The following ETFB variants were observed in gnomAD, a reference collection of about 807,000 sequenced individuals.
ETFB encodes the protein beta-ETF.
A neutral mutation model predicts 25.6 loss-of-function variants in ETFB; 20 were observed. That is an observed-to-expected ratio of 0.78 (90% CI 0.55 to 1.14). The LOEUF is 1.14. Ranked by LOEUF, ETFB falls within the 50% of genes most tolerant of loss-of-function variation. The pLI is 0.00. For synonymous variants in ETFB, 142 were observed against 146.7 expected (o/e 0.97, Z 0.23); for missense variants, 286 against 342.6 (o/e 0.83, Z 1.30).
chr19:51,347,983 C>G (rs1196153182), intron 4 of ETFB: 1 of 152,252 alleles, frequency 6.6e-6, no homozygotes, highest in East Asian at 1.9e-4. Context: ...AGAAGCTAGT[C>G]AGACAGTGGT....
intron 1 of ETFB, among the ~76,000 whole-genome samples, chr19:51,358,546 C>T (rs917056638): frequency 1.3e-5 from 2 of 152,144 alleles, no homozygotes; most frequent in African/African-American, 4.8e-5. Flanking sequence ...TGCCTGTAAT[C>T]CCAGCACTTT....
intron 1 of ETFB, among the ~76,000 whole-genome samples, chr19:51,365,928 C>T (rs1167284694): frequency 6.6e-6 from 1 of 152,198 alleles, no homozygotes; most frequent in East Asian, 1.9e-4. Context: ...TCGGCTCTGC[C>T]CTTCTCTAGC....
At chr19:51,348,683 G>GT (rs796445224) in intron 4 of ETFB, among the ~76,000 whole-genome samples, 32 of 102,876 alleles carry the variant, frequency 3.1e-4, no homozygotes, top group Admixed American at 5.7e-4. Context: ...CAACGAAGCT[G>GT]TTTAAAAAAA....
intron 5 of ETFB, 76 bp from the exon 6 acceptor site, chr19:51,345,457 C>A (rs1985749983): frequency 2.0e-6 from 3 of 1,465,156 alleles, no homozygotes; most frequent in Admixed American, 1.8e-5. Context: ...CCCATGGGTG[C>A]CAGGCCTGCA....
intron 1 of ETFB, 48 bp downstream of exon 1, chr19:51,366,222 G>A (rs757249379): frequency 1.0e-5 from 16 of 1,579,284 alleles, no homozygotes; most frequent in Non-Finnish European, 1.4e-5. Context: ...GGCCCCGGAA[G>A]CACACGGCTG....
intron 1 of ETFB, among the ~76,000 whole-genome samples, chr19:51,364,764 G>A (rs1228650065): frequency 6.6e-6 from 1 of 152,242 alleles, no homozygotes; most frequent in East Asian, 1.9e-4. Flanking sequence ...ATTAGGACAG[G>A]GGGCATTGAG....
At chr19:51,357,825 T>C (rs1418398772) in intron 1 of ETFB, among the ~76,000 whole-genome samples, 1 of 151,988 alleles carries the variant, frequency 6.6e-6, no homozygotes, top group Non-Finnish European at 1.5e-5. Flanking sequence ...TCTGGATTCT[T>C]GGTGGAGAAA....
intron 5 of ETFB, chr19:51,345,661 T>A (rs976781138): frequency 2.6e-5 from 13 of 502,060 alleles, no homozygotes; most frequent in Non-Finnish European, 4.7e-5. Context: ...GGCAAACCCA[T>A]CCTTTTGGTA....
At chr19:51,362,164 C>CATACAT (rs368744287) in intron 1 of ETFB, among the ~76,000 whole-genome samples, 2 of 52,146 alleles carry the variant, frequency 3.8e-5, no homozygotes, top group African/African-American at 1.8e-4. Flanking sequence ...GACACACATA[C>CATACAT]ACACACACAC....
intron 3 of ETFB, among the ~76,000 whole-genome samples, chr19:51,352,584 A>C (rs1985956249): frequency 6.6e-6 from 1 of 152,008 alleles, no homozygotes; most frequent in Non-Finnish European, 1.5e-5. Flanking sequence ...TCGGCCTCCC[A>C]GCCTCTAAAC....
chr19:51,350,489 T>C (rs1599840566), intron 3 of ETFB, 98 bp from the exon 4 acceptor site: 2 of 699,414 alleles, frequency 2.9e-6, no homozygotes, highest in East Asian at 5.6e-5. Flanking sequence ...TTTTTCTTTC[T>C]TTTTTTTCTT....
intron 1 of ETFB, chr19:51,361,861 T>C (rs12459297): frequency 0.33 from 50,007 of 151,912 alleles, 8,795 homozygotes; most frequent in South Asian, 0.45. Flanking sequence ...CGCGCCGCCA[T>C]GCCCAGCTAA....
intron 1 of ETFB, chr19:51,355,656 G>A (rs564993134): frequency 6.6e-5 from 10 of 151,998 alleles, no homozygotes; most frequent in East Asian, 5.8e-4. Context: ...TGTTTATTGC[G>A]GCACTATTCA....
At chr19:51,346,684 G>A (rs1985791481) in intron 5 of ETFB, 9 of 574,220 alleles carry the variant, frequency 1.6e-5, no homozygotes, top group Non-Finnish European at 2.5e-5. Context: ...ATACCAGCAA[G>A]CCCTCCCTGC....
chr19:51,352,562 G>A (rs10401662), intron 3 of ETFB, among the ~76,000 whole-genome samples: 110,062 of 151,762 alleles, frequency 0.73, 40,689 homozygotes, highest in Non-Finnish European at 0.79. Context: ...TCTCCCCCAT[G>A]TGACCATCAC....
intron 1 of ETFB, chr19:51,354,975 C>T (rs1274964894): frequency 1.9e-5 from 6 of 317,180 alleles, no homozygotes; most frequent in East Asian, 7.2e-5. Flanking sequence ...ACAAGAGAAG[C>T]GGAGCTTTGT....
Position 51,366,365 on chromosome 19 carries a change from T to C in ETFB, c.-39A>G, listed in dbSNP as rs1480024750. The C allele has an allele frequency of 1.2e-6, 2 of 1,600,244 alleles. No individual in the cohort carries two copies. Among genetic ancestry groups the C allele is most frequent in the African/African-American group, 2.7e-5 (2 of 74,688 alleles). ...CCACTTACAGGGTCAGCCCGCACCC[T>C]CAGCGGCTCAGTCCAGAAGCCCCAC... On this transcript the variant is annotated 5_prime_UTR_variant, in exon 1 of 6. Coordinates refer to ENST00000309244, the MANE Select transcript of ETFB (RefSeq NM_001985.3).
At chr19:51,355,439 A>G (rs1272441336) in intron 1 of ETFB, 2 of 152,202 alleles carry the variant, frequency 1.3e-5, no homozygotes, top group African/African-American at 4.8e-5. Context: ...AAGTCAGGAA[A>G]GAACAGGTGC....
At position 51,345,300 on chromosome 19, in the gene ETFB, C is replaced by T. The variant is rs1446270845; in HGVS notation, c.679G>A (p.Val227Met). Residue 227 changes from valine to methionine, a missense_variant, in exon 6 of 6, where the codon GTG (valine) becomes ATG (methionine). Coordinates refer to ENST00000309244, the MANE Select transcript of ETFB (RefSeq NM_001985.3). ...GCCGTGCGCTGGGGCGGGTCCTCCA[C>T]ACTGATCACAGAGAGCTTGGAGGTC... ...DLTSKLSVIS[V>M]EDPPQRTAGV... 6.2e-7 allele frequency: 1 copy of T among 1,614,166 alleles called. No individual in the cohort carries two copies.
Sources: gnomAD v4.1 joint callset for allele counts (sites outside exome capture counted in the v4.1 genomes callset) on GRCh38, gnomAD v4.1.1 for gene constraint, MANE v1.5 for transcripts, NCBI Gene and HGNC (gene_info 2026-07-23, HGNC 2026-07-21) for gene names.